NRCAM: variants seen among roughly 807,000 people sequenced by gnomAD.
NRCAM encodes the protein neuronal cell adhesion molecule.
A neutral mutation model predicts 156.5 loss-of-function variants in NRCAM; 83 were observed. The observed-to-expected ratio is 0.53, with a 90% CI of 0.44 to 0.64. The LOEUF is 0.64. Among genes scored for constraint, NRCAM ranks in the 30% least tolerant of loss-of-function variants. The pLI is 0.00. For synonymous variants in NRCAM, 538 were observed against 563.9 expected (o/e 0.95, Z 0.65); for missense variants, 1,417 against 1,597.3 (o/e 0.89, Z 1.92).
At chr7:108,370,584 C>T (rs776106448) in intron 2 of NRCAM, among the ~76,000 whole-genome samples, 16 of 151,974 alleles carry the variant, frequency 1.1e-4, no homozygotes, top group African/African-American at 2.4e-4. Context: ...TTAATAAAAT[C>T]GTAACGTTTT....
At chr7:108,372,456 GC>G (rs1180423976) in intron 2 of NRCAM, among the ~76,000 whole-genome samples, 6 of 152,078 alleles carry the variant, frequency 3.9e-5, no homozygotes, top group Non-Finnish European at 8.8e-5. Flanking sequence ...CAAACCATTT[GC>G]CCGATAAGGA....
intron 3 of NRCAM, among the ~76,000 whole-genome samples, chr7:108,246,440 A>T (rs1029278701): frequency 6.6e-6 from 1 of 152,142 alleles, no homozygotes; most frequent in African/African-American, 2.4e-5. Flanking sequence ...AGACAGAGAG[A>T]GAGTGAGTCA....
At chr7:108,234,718 A>G in intron 5 of NRCAM, 30 bp from the exon 6 acceptor site, 1 of 1,476,400 alleles carries the variant, frequency 6.8e-7, no homozygotes, top group Admixed American at 1.7e-5. Context: ...AAATGTAAAA[A>G]AACAAATTAT....
rs550044667 is a variant in NRCAM at position 108,356,758 on chromosome 7, TAGCAC to T, written c.-174+42673_-174+42677del. ...CGGTACCCAAGTCAGAAGACAATTTTAGCACAGCCTGGAGCTCCTACAGAGCCCTC... is the reference window on the plus strand; with the variant it reads ...CGGTACCCAAGTCAGAAGACAATTTTAGCCTGGAGCTCCTACAGAGCCCTC... On this transcript the variant is annotated intron_variant, in intron 2 of 32. Coordinates refer to ENST00000379028, the MANE Select transcript of NRCAM (RefSeq NM_001037132.4). 2.2e-3 allele frequency among the ~76,000 whole-genome samples: 342 copies of T among 152,318 alleles called. 2 individuals are homozygous for T. Among genetic ancestry groups the T allele is most frequent in the Non-Finnish European group, 2.3e-3 (159 of 68,030 alleles).
chr7:108,182,706 G>A lies in NRCAM; in HGVS notation c.2519C>T (p.Ser840Phe). 6 of 1,614,116 alleles carry A rather than the reference G, an allele frequency of 3.7e-6. No homozygotes were observed. The highest frequency in any genetic ancestry group is 5.1e-6 in the Non-Finnish European group (6 of 1,179,938). The change falls in exon 23 of 33, where the codon TCT (serine) becomes TTT (phenylalanine). Residue 840 changes from serine to phenylalanine, a missense_variant. Physicochemically the swap from Ser to Phe is radical, Grantham distance 155. Transcript: ENST00000379028. The part of the protein sequence containing the change: ...APEPAVVMGH[S>F]GEDLPMVAPG... Reference sequence around the variant, plus strand: ...ATGGCATCACTTACGGTCTTCTCCAGAATGTCCCATGACTACAGCTGGCTC... The same window carrying A: ...ATGGCATCACTTACGGTCTTCTCCAAAATGTCCCATGACTACAGCTGGCTC...
chr7:108,325,832 A>G (rs765253736), intron 2 of NRCAM, among the ~76,000 whole-genome samples: 1 of 152,130 alleles, frequency 6.6e-6, no homozygotes, highest in Non-Finnish European at 1.5e-5. Context: ...GAGTGATCAG[A>G]TAAGTGTTAG....
In NRCAM at chr7:108,214,404, C is replaced by T. The variant is rs867518405; in HGVS notation, c.891-4799G>A. Among the ~76,000 whole-genome samples, 14 of 152,218 alleles carry T rather than the reference C, an allele frequency of 9.2e-5. No homozygotes were observed. In the South Asian group the frequency reaches 2.5e-3, roughly 27 times the overall value. ...TGCGTAGAGGTGTTTATAGTATTCT[C>T]TATACTCTATATGGTGGTAGTTTGT... On this transcript the variant is annotated intron_variant, in intron 11 of 32. Transcript: ENST00000379028.
chr7:108,455,118 G>A (rs536491758), intron 1 of NRCAM, among the ~76,000 whole-genome samples: 5 of 152,268 alleles, frequency 3.3e-5, no homozygotes, highest in African/African-American at 1.2e-4. Flanking sequence ...CCCGGGGCCC[G>A]GGGAGCCCTC....
intron 3 of NRCAM, among the ~76,000 whole-genome samples, chr7:108,250,681 C>A (rs914971288): frequency 1.3e-5 from 2 of 151,566 alleles, no homozygotes; most frequent in African/African-American, 4.8e-5. Context: ...ATGACTAAGA[C>A]CTAGTATTTG....
intron 3 of NRCAM, among the ~76,000 whole-genome samples, chr7:108,258,433 T>C (rs1264513711): frequency 1.3e-5 from 2 of 152,174 alleles, no homozygotes; most frequent in Admixed American, 6.5e-5. Context: ...TTTTCCTCCT[T>C]CTTTTTACAC....
chr7:108,173,603 C>T (rs1488642085), intron 28 of NRCAM, among the ~76,000 whole-genome samples: 1 of 152,130 alleles, frequency 6.6e-6, no homozygotes, highest in African/African-American at 2.4e-5. Context: ...TTATGTAAGC[C>T]ATACTTAACT....
intron 2 of NRCAM, among the ~76,000 whole-genome samples, chr7:108,325,337 G>A (rs2099056260): frequency 6.6e-6 from 1 of 152,082 alleles, no homozygotes; most frequent in South Asian, 2.1e-4. Flanking sequence ...AGTGGTACAT[G>A]ACTCTAATTA....
chr7:108,278,437 AG>A (rs1206562017), intron 3 of NRCAM, among the ~76,000 whole-genome samples: 2 of 152,216 alleles, frequency 1.3e-5, no homozygotes, highest in Non-Finnish European at 2.9e-5. Context: ...CGGTGAGCAC[AG>A]AACCAGCTAC....
chr7:108,328,999 A>G (rs961603761), intron 2 of NRCAM, among the ~76,000 whole-genome samples: 2 of 152,216 alleles, frequency 1.3e-5, no homozygotes, highest in African/African-American at 4.8e-5. Context: ...CACAACAGTC[A>G]TTTCTGATTT....
chr7:108,381,773 C>G (rs1376734057), intron 2 of NRCAM, among the ~76,000 whole-genome samples: 2 of 151,992 alleles, frequency 1.3e-5, no homozygotes, highest in African/African-American at 4.8e-5. Flanking sequence ...GTTGGCCAGG[C>G]TGGTCTCAAA....
At chr7:108,158,851 T>G (rs551132196) in intron 32 of NRCAM, among the ~76,000 whole-genome samples, 2 of 152,134 alleles carry the variant, frequency 1.3e-5, no homozygotes, top group African/African-American at 4.8e-5. Flanking sequence ...TTTAAAAAAT[T>G]TAGCACATAG....
chr7:108,345,300 T>A (rs1165431193), intron 2 of NRCAM, among the ~76,000 whole-genome samples: 1 of 152,174 alleles, frequency 6.6e-6, no homozygotes, highest in African/African-American at 2.4e-5. Flanking sequence ...ATTGTCTAGG[T>A]AATTACAAAT....
intron 1 of NRCAM, among the ~76,000 whole-genome samples, chr7:108,439,142 G>C (rs1292856824): frequency 5.3e-5 from 8 of 152,076 alleles, no homozygotes. Flanking sequence ...AAACTCTTAA[G>C]AGAAAACATG....
intron 3 of NRCAM, among the ~76,000 whole-genome samples, chr7:108,272,790 A>C (rs2097416810): frequency 6.6e-6 from 1 of 152,108 alleles, no homozygotes; most frequent in African/African-American, 2.4e-5. Context: ...TCTAGGGTAC[A>C]TGTGCACAAT....
Sources: allele counts gnomAD v4.1 joint callset (sites outside exome capture counted in the v4.1 genomes callset), GRCh38; gene constraint gnomAD v4.1.1; transcripts MANE v1.5; gene names NCBI Gene and HGNC (gene_info 2026-07-23, HGNC 2026-07-21).